The following SH3GL2 variants were observed in gnomAD, a reference collection of about 807,000 sequenced individuals.
SH3GL2 encodes endophilin-A1.
In SH3GL2, 24 loss-of-function variants were observed where a neutral mutation model predicts 46.0. The observed-to-expected ratio is 0.52, with a 90% CI of 0.38 to 0.73. The LOEUF (loss-of-function observed/expected upper bound fraction) is 0.73, where lower values mean the gene tolerates loss of function less well. SH3GL2 is among the 30% of genes least tolerant of loss of function. The pLI is 0.00. For synonymous variants in SH3GL2, 196 were observed against 147.1 expected, an observed-to-expected ratio of 1.33 and a Z score of -2.40; for missense variants, 413 against 424.2, an observed-to-expected ratio of 0.97 and a Z score of 0.23.
At chr9:17,636,422 T>G (rs775348012) in intron 1 of SH3GL2, among the ~76,000 whole-genome samples, 3 of 152,154 alleles carry the variant, frequency 2.0e-5, no homozygotes, top group Non-Finnish European at 4.4e-5. Context: ...CTAAACTGTT[T>G]GTGTACGGAA....
At chr9:17,759,782 T>G (rs567533495) in intron 2 of SH3GL2, among the ~76,000 whole-genome samples, 13 of 152,264 alleles carry the variant, frequency 8.5e-5, no homozygotes, top group African/African-American at 2.9e-4. Context: ...ATGGCACTCT[T>G]TTTTAGAAAC....
At chr9:17,684,740 A>C (rs1428111095) in intron 1 of SH3GL2, among the ~76,000 whole-genome samples, 1 of 152,150 alleles carries the variant, frequency 6.6e-6, no homozygotes, top group South Asian at 2.1e-4. Flanking sequence ...CAGAAGAAGA[A>C]AGATGAGTCA....
intron 1 of SH3GL2, among the ~76,000 whole-genome samples, chr9:17,585,469 A>G (rs1239820832): frequency 2.0e-5 from 3 of 152,132 alleles, no homozygotes; most frequent in African/African-American, 7.2e-5. Context: ...AGGTGTAGCC[A>G]CAAGAGGGGA....
intron 1 of SH3GL2, among the ~76,000 whole-genome samples, chr9:17,690,019 C>T (rs1003929786): frequency 2.6e-5 from 4 of 152,070 alleles, no homozygotes; most frequent in African/African-American, 9.7e-5. Flanking sequence ...AATTGTGCCC[C>T]TTAGTTTCCT....
intron 1 of SH3GL2, among the ~76,000 whole-genome samples, chr9:17,629,290 A>G (rs1819366098): frequency 6.6e-6 from 1 of 152,044 alleles, no homozygotes; most frequent in African/African-American, 2.4e-5. Context: ...TAATTTCATG[A>G]TAGAAATGAA....
intron 3 of SH3GL2, among the ~76,000 whole-genome samples, chr9:17,776,872 G>A (rs749565850): frequency 6.6e-6 from 1 of 152,130 alleles, no homozygotes; most frequent in Non-Finnish European, 1.5e-5. Flanking sequence ...CAAGCTACCA[G>A]TGTGACATCA....
At chr9:17,669,993 G>C (rs2117953741) in intron 1 of SH3GL2, among the ~76,000 whole-genome samples, 1 of 152,244 alleles carries the variant, frequency 6.6e-6, no homozygotes, top group African/African-American at 2.4e-5. Context: ...CAAGCTAGTG[G>C]GGAGGCAGTA....
At chr9:17,579,361 C>A in intron 1 of SH3GL2, 74 bp downstream of exon 1, 1 of 1,081,016 alleles carries the variant, frequency 9.3e-7, no homozygotes, top group Non-Finnish European at 1.3e-6. Flanking sequence ...CGCTGGCCGT[C>A]CGGCGGCAGC....
At chr9:17,680,775 A>G (rs1331811628) in intron 1 of SH3GL2, among the ~76,000 whole-genome samples, 2 of 152,076 alleles carry the variant, frequency 1.3e-5, no homozygotes, top group African/African-American at 4.8e-5. Context: ...TTAGTGCTAT[A>G]AATTTCCCTG....
At position 17,775,838 on chromosome 9, in the gene SH3GL2, C is replaced by T. The variant is rs1823627452; in HGVS notation, c.188-10543C>T. The stretch of plus-strand genomic sequence containing the variant: ...TGGAGTACTGTGGCCACCTGTTCTG[C>T]CCAAGTGCATCAGCTGTGTTCATCA... On this transcript the variant is annotated intron_variant, in intron 3 of 8. Transcript: ENST00000380607. 8.5e-5 allele frequency among the ~76,000 whole-genome samples: 13 copies of T among 152,224 alleles called. 1 individual carries two copies. In the South Asian group the frequency reaches 2.5e-3, roughly 29 times the overall value.
At chr9:17,780,629 C>G (rs1037750938) in intron 3 of SH3GL2, among the ~76,000 whole-genome samples, 2 of 113,790 alleles carry the variant, frequency 1.8e-5, no homozygotes, top group Admixed American at 1.9e-4. Flanking sequence ...ATCCCTCCCC[C>G]CTCCCCCGAC....
chr9:17,734,831 G>A (rs1822282772), intron 1 of SH3GL2, among the ~76,000 whole-genome samples: 1 of 152,082 alleles, frequency 6.6e-6, no homozygotes. Context: ...AGTGAAGGCT[G>A]TAAAAAAATT....
intron 1 of SH3GL2, among the ~76,000 whole-genome samples, chr9:17,681,017 T>C (rs11999670): frequency 0.041 from 6,278 of 152,244 alleles, 430 homozygotes; most frequent in African/African-American, 0.14. Flanking sequence ...ATTTCTGTTC[T>C]TTTACATTTG....
chr9:17,641,265 C>T (rs543197442), intron 1 of SH3GL2, among the ~76,000 whole-genome samples: 12 of 152,246 alleles, frequency 7.9e-5, no homozygotes, highest in African/African-American at 2.9e-4. Flanking sequence ...TTACCATCTC[C>T]TCACTATTCC....
chr9:17,774,191 T>C (rs1310548809), intron 3 of SH3GL2, among the ~76,000 whole-genome samples: 1 of 152,120 alleles, frequency 6.6e-6, no homozygotes. Context: ...TCTGACAGCT[T>C]TTTGTGGGAA....
intron 1 of SH3GL2, among the ~76,000 whole-genome samples, chr9:17,656,967 G>C (rs983529592): frequency 6.6e-6 from 1 of 152,038 alleles, no homozygotes; most frequent in Non-Finnish European, 1.5e-5. Context: ...AAAAATCACT[G>C]GGTGGAACAT....
intron 1 of SH3GL2, among the ~76,000 whole-genome samples, chr9:17,620,076 A>C (rs984952309): frequency 9.2e-5 from 14 of 152,120 alleles, no homozygotes; most frequent in Non-Finnish European, 1.8e-4. Flanking sequence ...GATTTTATAA[A>C]ATTTTATATT....
At chr9:17,585,354 C>A (rs1170746838) in intron 1 of SH3GL2, among the ~76,000 whole-genome samples, 1 of 152,158 alleles carries the variant, frequency 6.6e-6, no homozygotes, top group Non-Finnish European at 1.5e-5. Context: ...AGGGGAGATG[C>A]TAAGTAGGTA....
rs562684380 is a variant in SH3GL2 at position 17,735,983 on chromosome 9, C to G, written c.46-11083C>G. Among the ~76,000 whole-genome samples, 130 of 152,184 alleles carry G rather than the reference C, an allele frequency of 8.5e-4. 1 individual carries two copies. The highest frequency in any genetic ancestry group is 1.3e-3 in the Non-Finnish European group (85 of 67,998). On this transcript the variant is annotated intron_variant, in intron 1 of 8. Coordinates refer to ENST00000380607, the MANE Select transcript of SH3GL2 (RefSeq NM_003026.5). ...AATTTGTGTGATAGGGGAGACTCCACAATTTCTCGTTTGATTCAGCATAAG... is the reference window on the plus strand; with the variant it reads ...AATTTGTGTGATAGGGGAGACTCCAGAATTTCTCGTTTGATTCAGCATAAG...
Sources: gnomAD v4.1 joint callset for allele counts (sites outside exome capture counted in the v4.1 genomes callset) on GRCh38, gnomAD v4.1.1 for gene constraint, MANE v1.5 for transcripts, NCBI Gene and HGNC (gene_info 2026-07-23, HGNC 2026-07-21) for gene names.